Variants in GNL3L observed in about 807,000 individuals in gnomAD.
GNL3L encodes the protein G protein nucleolar 3 like.
GNL3L carries 4 observed loss-of-function variants against 42.9 expected under a neutral mutation model. The ratio of observed to expected loss-of-function variants is 0.09; its 90% CI spans 0.05 to 0.21. GNL3L has a LOEUF of 0.21. GNL3L is among the 10% of genes least tolerant of loss of function. The pLI is 1.00. For missense variants in GNL3L, 412 were observed against 481.7 expected, an observed-to-expected ratio of 0.86 and a Z score of 1.36; for synonymous variants, 159 against 176.3, an observed-to-expected ratio of 0.90 and a Z score of 0.78.
At chrX:54,594,068 G>A (rs1287638133) in intron 16 of GNL3L, among the ~76,000 whole-genome samples, 2 of 111,804 alleles carry the variant, frequency 1.8e-5, no homozygotes, top group Non-Finnish European at 3.8e-5. Flanking sequence ...GGAAAAGAAT[G>A]TGTACTCTGC....
intron 8 of GNL3L, among the ~76,000 whole-genome samples, chrX:54,544,918 GTTTA>G (rs1924730094): frequency 1.8e-5 from 2 of 111,215 alleles, no homozygotes; most frequent in Admixed American, 1.9e-4. Flanking sequence ...TTGTTTGTTT[GTTTA>G]TTTATTTATT....
intron 16 of GNL3L, among the ~76,000 whole-genome samples, chrX:54,614,899 G>T (rs1002070804): frequency 9.0e-6 from 1 of 111,222 alleles, no homozygotes; most frequent in Non-Finnish European, 1.9e-5. Context: ...CAACTGCTCT[G>T]TCCAGAGCTG....
chrX:54,622,147 C>G (rs955287031), downstream of GNL3L, among the ~76,000 whole-genome samples: 2 of 110,327 alleles, frequency 1.8e-5, no homozygotes, highest in South Asian at 7.6e-4. Flanking sequence ...TTGCATTTCT[C>G]TAATGACTAA....
At chrX:54,598,828 G>C (rs1337359404) in intron 16 of GNL3L, among the ~76,000 whole-genome samples, 1 of 111,250 alleles carries the variant, frequency 9.0e-6, no homozygotes, top group African/African-American at 3.3e-5. Context: ...TAAATCGCAA[G>C]ATATAAAAGG....
chrX:54,620,756 T>C (rs1926277732), intron 16 of GNL3L, among the ~76,000 whole-genome samples: 1 of 111,980 alleles, frequency 8.9e-6, no homozygotes, highest in African/African-American at 3.2e-5. Context: ...TTCCCACCAA[T>C]AGCGTGTGAG....
chrX:54,620,712 A>T (rs1926277030), intron 16 of GNL3L, among the ~76,000 whole-genome samples: 1 of 112,022 alleles, frequency 8.9e-6, no homozygotes, highest in Non-Finnish European at 1.9e-5. Flanking sequence ...AGGAACTTCC[A>T]AACTGTTATC....
Position 54,548,622 on chromosome X carries a change from G to C in GNL3L, c.775+249G>C, listed in dbSNP as rs764621629. Among the ~76,000 whole-genome samples, 3 of 111,175 alleles carry C rather than the reference G, an allele frequency of 2.7e-5. No homozygotes were observed. The East Asian group carries it at 8.5e-4, about 32-fold the overall frequency. ...ATCCTATCAGAGCTATGGGAGGATG[G>C]GGTGACCGTCTACCTTTTACGGATG... is the stretch of plus-strand genomic sequence containing the variant. On this transcript the variant is annotated intron_variant, in intron 9 of 15. Coordinates refer to ENST00000360845, the MANE Select transcript of GNL3L (RefSeq NM_001184819.2).
At chrX:54,643,930 T>C in the GNL3L span, among the ~76,000 whole-genome samples, 7 of 112,252 alleles carry the variant, frequency 6.2e-5, no homozygotes, top group Admixed American at 3.8e-4. Context: ...CATGTTGTTA[T>C]AAATGACAGG....
chrX:54,548,344 T>C lies in GNL3L; in HGVS notation c.746T>C (p.Val249Ala), dbSNP rs142870842. 1.1e-5 allele frequency: 13 copies of C among 1,203,483 alleles called. No homozygotes were observed. The highest frequency in any genetic ancestry group is 1.5e-5 in the Non-Finnish European group (13 of 890,287). The change falls in exon 9 of 16, where the codon GTG becomes GCG. Residue 249 changes from valine to alanine, a missense_variant. Val to Ala is a moderately conservative substitution (Grantham distance 64, BLOSUM62 0). Transcript: ENST00000360845. ...VLGNYCRLGE[V>A]RTHIRVGVVG... is the part of the protein sequence containing the mutation. ...GGGAACTATTGCCGCCTTGGTGAAG[T>C]GCGCACCCACATTCGTGTGGGTGTT...
chrX:54,631,044 C>T, the GNL3L span, among the ~76,000 whole-genome samples: 9 of 109,459 alleles, frequency 8.2e-5, 1 homozygote, highest in South Asian at 1.6e-3. Flanking sequence ...TGACCTCAGG[C>T]GATCCACCCG....
At chrX:54,607,354 CTT>C (rs769088508) in intron 16 of GNL3L, among the ~76,000 whole-genome samples, 7 of 101,670 alleles carry the variant, frequency 6.9e-5, no homozygotes, top group African/African-American at 2.5e-4. Context: ...CTCATTTTGA[CTT>C]TGTTGCTGAA....
At chrX:54,558,713 G>GTTT in intron 15 of GNL3L, 58 bp downstream of exon 15, 1 of 782,183 alleles carries the variant, frequency 1.3e-6, no homozygotes, top group Non-Finnish European at 1.8e-6. Flanking sequence ...ATCTTTTTTT[G>GTTT]TTTTTTTTTT....
chrX:54,584,518 A>C (rs1925757059), intron 16 of GNL3L, among the ~76,000 whole-genome samples: 1 of 111,986 alleles, frequency 8.9e-6, no homozygotes, highest in African/African-American at 3.2e-5. Context: ...TGAGATTGCC[A>C]TCATATATGT....
intron 8 of GNL3L, among the ~76,000 whole-genome samples, chrX:54,545,670 A>C (rs1485592109): frequency 9.0e-6 from 1 of 111,701 alleles, no homozygotes; most frequent in Non-Finnish European, 1.9e-5. Context: ...ATACTAAGGG[A>C]CATTTTTTTT....
intron 8 of GNL3L, among the ~76,000 whole-genome samples, chrX:54,545,549 T>C (rs1924747082): frequency 9.0e-6 from 1 of 111,704 alleles, no homozygotes; most frequent in Non-Finnish European, 1.9e-5. Flanking sequence ...TCCAATCATT[T>C]TTCTCTTTGA....
chrX:54,536,672 C>G (rs1299139718), intron 2 of GNL3L, among the ~76,000 whole-genome samples: 1 of 108,395 alleles, frequency 9.2e-6, no homozygotes, highest in Non-Finnish European at 1.9e-5. Flanking sequence ...GTAATCCCAG[C>G]TACTCCAGAG....
chrX:54,633,611 A>C, the GNL3L span, among the ~76,000 whole-genome samples: 1 of 110,513 alleles, frequency 9.0e-6, no homozygotes, highest in Admixed American at 9.6e-5. Flanking sequence ...GGTGGTTCTC[A>C]GGCCAATGGA....
the GNL3L span, among the ~76,000 whole-genome samples, chrX:54,643,946 A>C: frequency 9.0e-6 from 1 of 111,662 alleles, no homozygotes; most frequent in African/African-American, 3.3e-5. Flanking sequence ...ACAGGATTTC[A>C]CTCTTTTTGT....
chrX:54,548,125 G>T, intron 8 of GNL3L, 104 bp from the exon 9 acceptor site: 2 of 570,312 alleles, frequency 3.5e-6, no homozygotes, highest in Non-Finnish European at 5.8e-6. Context: ...GTTTCAGGCT[G>T]AGGAGCTCAG....
Sources: gnomAD v4.1 joint callset for allele counts (sites outside exome capture counted in the v4.1 genomes callset) on GRCh38, gnomAD v4.1.1 for gene constraint, MANE v1.5 for transcripts, NCBI Gene and HGNC (gene_info 2026-07-23, HGNC 2026-07-21) for gene names.